Variants in TNR observed in about 807,000 individuals in gnomAD.
TNR encodes the protein tenascin-R.
In TNR, 45 loss-of-function variants were observed where a neutral mutation model predicts 150.4. The observed-to-expected ratio is 0.30, with a 90% CI of 0.24 to 0.38. The LOEUF is 0.38. Among genes scored for constraint, TNR ranks in the 10% least tolerant of loss-of-function variants. The pLI is 1.00. For missense variants in TNR, 1,544 were observed against 1,759.1 expected, an observed-to-expected ratio of 0.88 and a Z score of 2.19; for synonymous variants, 687 against 678.4, an observed-to-expected ratio of 1.01 and a Z score of -0.20.
chr1:175,359,297 C>A (rs1571335433), intron 15 of TNR, among the ~76,000 whole-genome samples: 1 of 151,606 alleles, frequency 6.6e-6, no homozygotes, highest in African/African-American at 2.4e-5. Flanking sequence ...AGGTTTGCAC[C>A]ACCACTTCCG....
At chr1:175,484,053 A>G (rs1248332351) in intron 2 of TNR, among the ~76,000 whole-genome samples, 1 of 152,240 alleles carries the variant, frequency 6.6e-6, no homozygotes, top group South Asian at 2.1e-4. Context: ...GCCTTATTCA[A>G]CACTGTGTCC....
chr1:175,555,072 A>G (rs776357778), intron 1 of TNR, among the ~76,000 whole-genome samples: 8 of 152,214 alleles, frequency 5.3e-5, no homozygotes, highest in Non-Finnish European at 1.2e-4. Context: ...TGGATTAAGC[A>G]TAGTCCTAGG....
chr1:175,555,515 GAAAAAA>G lies in TNR; in HGVS notation c.-164-27152_-164-27147del, dbSNP rs56074366. Among the ~76,000 whole-genome samples the G allele has an allele frequency of 7.7e-4, 98 of 127,906 alleles. 1 individual carries two copies. The highest frequency in any genetic ancestry group is 7.9e-4 in the African/African-American group (27 of 34,098). 83.9% of individuals were successfully genotyped at this position (127,906 alleles called of 152,430 possible). The stretch of plus-strand genomic sequence containing the variant: ...AGTGCTGACTCACCGACAACTGAGA[GAAAAAA>G]AAAAAAAAAAAAATCTCCTCAGGTT... On this transcript the variant is annotated intron_variant, in intron 1 of 22. Coordinates refer to ENST00000367674, the MANE Select transcript of TNR (RefSeq NM_003285.3).
intron 2 of TNR, among the ~76,000 whole-genome samples, chr1:175,519,911 T>C (rs1659566706): frequency 6.6e-6 from 1 of 152,238 alleles, no homozygotes; most frequent in South Asian, 2.1e-4. Flanking sequence ...TTCAGGGTAG[T>C]GCTTGTGTGA....
chr1:175,684,114 T>C (rs1042428110), intron 1 of TNR, among the ~76,000 whole-genome samples: 1 of 152,322 alleles, frequency 6.6e-6, no homozygotes, highest in Middle Eastern at 3.4e-3. Flanking sequence ...GGTGTGTGCA[T>C]CAGACTGACT....
chr1:175,641,044 A>G (rs1438028307), intron 1 of TNR, among the ~76,000 whole-genome samples: 1 of 152,182 alleles, frequency 6.6e-6, no homozygotes, highest in Non-Finnish European at 1.5e-5. Flanking sequence ...ACACATATTT[A>G]TGTGTTGATA....
At chr1:175,740,379 T>C (rs1667894048) in intron 1 of TNR, among the ~76,000 whole-genome samples, 1 of 152,182 alleles carries the variant, frequency 6.6e-6, no homozygotes, top group Non-Finnish European at 1.5e-5. Flanking sequence ...CAAAACTTAA[T>C]CTGAATACTT....
rs567387725 is a variant in TNR at position 175,440,291 on chromosome 1, C to A, written c.-63-33514G>T. Among the ~76,000 whole-genome samples the A allele has an allele frequency of 2.7e-5, 4 of 150,766 alleles. No homozygotes were observed. In the South Asian group the frequency reaches 6.3e-4, roughly 24 times the overall value. ...ATCACGAGGACAAAAAACCAAACAC[C>A]GCATGTTTTCACTCATAGGTGGGAA... On this transcript the variant is annotated intron_variant, in intron 2 of 22. Transcript: ENST00000367674.
chr1:175,570,767 T>C (rs1661834042), intron 1 of TNR, among the ~76,000 whole-genome samples: 1 of 152,092 alleles, frequency 6.6e-6, no homozygotes. Context: ...GTCATCAAAA[T>C]TAAATTGCAT....
At chr1:175,372,773 A>G (rs1206536677) in intron 9 of TNR, among the ~76,000 whole-genome samples, 1 of 152,218 alleles carries the variant, frequency 6.6e-6, no homozygotes, top group Non-Finnish European at 1.5e-5. Context: ...TCAAGTGGAC[A>G]TGAGGAAATA....
rs529674302 is a variant in TNR at position 175,323,435 on chromosome 1, G to A, written c.3999C>T (p.Ile1333=). The part of the protein sequence containing the change: ...WYHWKGHEFS[I]PFVEMKMRPY... ...GGCGCATCTTCATTTCCACAAAGGGGATGGAGAACTCATGGCCTTTCCAAT... is the reference window on the plus strand; with the variant it reads ...GGCGCATCTTCATTTCCACAAAGGGAATGGAGAACTCATGGCCTTTCCAAT... Residue 1333 remains isoleucine (I), a synonymous_variant, in exon 23 of 23, where the codon ATC becomes ATT. Coordinates refer to ENST00000367674, the MANE Select transcript of TNR (RefSeq NM_003285.3). The A allele has an allele frequency of 3.7e-6, 6 of 1,614,104 alleles. No individual in the cohort carries two copies. Among genetic ancestry groups the A allele is most frequent in the East Asian group, 4.5e-5 (2 of 44,884 alleles).
At chr1:175,525,621 G>A (rs1422490464) in intron 2 of TNR, among the ~76,000 whole-genome samples, 5 of 152,212 alleles carry the variant, frequency 3.3e-5, no homozygotes, top group East Asian at 1.9e-4. Context: ...TGCCCACAGC[G>A]ATGCCCAAGC....
chr1:175,372,156 T>A (rs925613437), intron 9 of TNR, among the ~76,000 whole-genome samples: 4 of 152,186 alleles, frequency 2.6e-5, no homozygotes, highest in African/African-American at 9.6e-5. Context: ...GCTTCCCGCA[T>A]GATTGTAAGC....
intron 20 of TNR, among the ~76,000 whole-genome samples, chr1:175,334,151 T>C (rs1408697228): frequency 1.3e-5 from 2 of 152,190 alleles, no homozygotes; most frequent in Non-Finnish European, 2.9e-5. Context: ...AAGATCATTA[T>C]AGTGGTCATG....
chr1:175,525,531 T>A (rs569634868), intron 2 of TNR, among the ~76,000 whole-genome samples: 4 of 152,208 alleles, frequency 2.6e-5, no homozygotes, highest in Non-Finnish European at 5.9e-5. Context: ...TACAAGTAAT[T>A]TCCTCCTGAA....
chr1:175,581,737 A>G (rs1662357876), intron 1 of TNR, among the ~76,000 whole-genome samples: 1 of 152,228 alleles, frequency 6.6e-6, no homozygotes. Context: ...TAAGATGATC[A>G]GGTTTATAGT....
In TNR at chr1:175,323,105, C is replaced by G. The variant is rs183285167; in HGVS notation, c.*252G>C. 131 of 380,272 alleles carry G rather than the reference C, an allele frequency of 3.4e-4. No individual in the cohort carries two copies. The highest frequency in any genetic ancestry group is 5.5e-4 in the Non-Finnish European group (117 of 213,460). The allele number at this position is 380,272 out of a possible 1,614,324, so 23.6% of individuals were successfully genotyped here. A position where few individuals can be genotyped will look rare whatever the true frequency, so the allele number is the denominator to read the frequency against. ...CCCTTTAAGAAAACTTCCTACTTCTCCTCCTTGGTGGGAAAGGAGGTGAAG... is the reference window on the plus strand; with the variant it reads ...CCCTTTAAGAAAACTTCCTACTTCTGCTCCTTGGTGGGAAAGGAGGTGAAG... On this transcript the variant is annotated 3_prime_UTR_variant, in exon 23 of 23. Coordinates refer to ENST00000367674, the MANE Select transcript of TNR (RefSeq NM_003285.3).
At chr1:175,594,290 C>T (rs1173856309) in intron 1 of TNR, among the ~76,000 whole-genome samples, 1 of 151,866 alleles carries the variant, frequency 6.6e-6, no homozygotes, top group Non-Finnish European at 1.5e-5. Flanking sequence ...TAGGGAAAGG[C>T]AAAGGGCTTC....
At chr1:175,452,034 G>T (rs1347426502) in intron 2 of TNR, among the ~76,000 whole-genome samples, 2 of 152,190 alleles carry the variant, frequency 1.3e-5, no homozygotes, top group Admixed American at 6.5e-5. Flanking sequence ...CTCCCACTCA[G>T]GGGCAACCAA....
Sources: allele counts gnomAD v4.1 joint callset (sites outside exome capture counted in the v4.1 genomes callset), GRCh38; gene constraint gnomAD v4.1.1; transcripts MANE v1.5; gene names NCBI Gene and HGNC (gene_info 2026-07-23, HGNC 2026-07-21).